Variants in MPP7 observed in about 807,000 individuals in gnomAD.
MPP7 encodes MAGUK p55 scaffold protein 7.
A neutral mutation model predicts 76.5 loss-of-function variants in MPP7; 60 were observed. That is an observed-to-expected ratio of 0.78 (90% CI 0.64 to 0.97). The LOEUF (loss-of-function observed/expected upper bound fraction) is 0.97. MPP7 is among the 50% of genes least tolerant of loss of function. The pLI is 0.00. For synonymous variants in MPP7, 237 were observed against 244.5 expected (o/e 0.97, Z 0.29); for missense variants, 641 against 694.0 (o/e 0.92, Z 0.86).
At chr10:28,298,472 T>G (rs897914164) in intron 1 of MPP7, among the ~76,000 whole-genome samples, 6 of 152,184 alleles carry the variant, frequency 3.9e-5, no homozygotes, top group South Asian at 2.1e-4. Context: ...TTCTGAGCAG[T>G]GGGTCTCGAC....
chr10:28,081,017 T>C (rs1353306021), intron 12 of MPP7, among the ~76,000 whole-genome samples: 1 of 152,230 alleles, frequency 6.6e-6, no homozygotes, highest in East Asian at 1.9e-4. Context: ...ATAGTGACAG[T>C]CTTATAATAA....
intron 11 of MPP7, among the ~76,000 whole-genome samples, chr10:28,115,836 G>T (rs1190216590): frequency 6.6e-6 from 1 of 152,094 alleles, no homozygotes; most frequent in Non-Finnish European, 1.5e-5. Flanking sequence ...CTTTTTACCT[G>T]CATAATAATA....
At chr10:28,262,432 T>A (rs533946424) in intron 1 of MPP7, among the ~76,000 whole-genome samples, 1 of 151,314 alleles carries the variant, frequency 6.6e-6, no homozygotes, top group Non-Finnish European at 1.5e-5. Context: ...TAATTTATAA[T>A]GAAACTAACA....
intron 2 of MPP7, among the ~76,000 whole-genome samples, chr10:28,225,098 T>C (rs1838645992): frequency 6.6e-6 from 1 of 152,168 alleles, no homozygotes; most frequent in South Asian, 2.1e-4. Flanking sequence ...CTACATACAG[T>C]GCTGGGACAA....
chr10:28,092,110 G>T (rs1853334996), intron 11 of MPP7, among the ~76,000 whole-genome samples: 1 of 152,182 alleles, frequency 6.6e-6, no homozygotes, highest in Non-Finnish European at 1.5e-5. Context: ...ACTAACAATG[G>T]TTTTATGTGA....
At chr10:28,149,025 A>C (rs947025363) in intron 4 of MPP7, among the ~76,000 whole-genome samples, 2 of 152,234 alleles carry the variant, frequency 1.3e-5, no homozygotes, top group Non-Finnish European at 2.9e-5. Context: ...ATCTTTGTAG[A>C]TAAAAACAAA....
chr10:28,295,742 A>ACCTGCC (rs1841023054), intron 1 of MPP7, among the ~76,000 whole-genome samples: 1 of 152,260 alleles, frequency 6.6e-6, no homozygotes, highest in Non-Finnish European at 1.5e-5. Context: ...GTCCCTGCAC[A>ACCTGCC]CACCTGCCGT....
At chr10:28,167,359 C>T (rs1282918240) in intron 3 of MPP7, among the ~76,000 whole-genome samples, 1 of 151,956 alleles carries the variant, frequency 6.6e-6, no homozygotes, top group Non-Finnish European at 1.5e-5. Flanking sequence ...CTCAAAAGAA[C>T]TCTGCTACTG....
intron 2 of MPP7, among the ~76,000 whole-genome samples, chr10:28,310,457 T>A (rs1841283696): frequency 6.6e-6 from 1 of 152,180 alleles, no homozygotes; most frequent in Non-Finnish European, 1.5e-5. Flanking sequence ...TCACACGAAC[T>A]CGTTGCCACC....
At chr10:28,285,424 A>T (rs1454116152) in intron 1 of MPP7, among the ~76,000 whole-genome samples, 2 of 152,130 alleles carry the variant, frequency 1.3e-5, no homozygotes, top group Non-Finnish European at 2.9e-5. Context: ...GCCTAAGATG[A>T]TCCGTCCACC....
At chr10:28,070,576 C>T (rs773294225) in intron 12 of MPP7, among the ~76,000 whole-genome samples, 2 of 152,138 alleles carry the variant, frequency 1.3e-5, no homozygotes, top group African/African-American at 2.4e-5. Context: ...AATTCAGTTA[C>T]GCATTTTACA....
At chr10:28,323,376 C>T (rs534616964) in intron 2 of MPP7, among the ~76,000 whole-genome samples, 15 of 151,908 alleles carry the variant, frequency 9.9e-5, no homozygotes, top group African/African-American at 3.6e-4. Context: ...TCAATTGAGC[C>T]TAGGAGTTGG....
intron 3 of MPP7, among the ~76,000 whole-genome samples, chr10:28,153,865 C>T (rs976427915): frequency 2.0e-5 from 3 of 152,020 alleles, no homozygotes; most frequent in Non-Finnish European, 2.9e-5. Flanking sequence ...ATTATGAGTA[C>T]AAAAAAGTAC....
At chr10:28,190,078 T>C in intron 3 of MPP7, among the ~76,000 whole-genome samples, 1 of 152,024 alleles carries the variant, frequency 6.6e-6, no homozygotes. Context: ...TTATCAGAGA[T>C]AAAGGTATTA....
chr10:28,295,658 G>A (rs1841020720), intron 1 of MPP7, among the ~76,000 whole-genome samples: 1 of 152,178 alleles, frequency 6.6e-6, no homozygotes, highest in Non-Finnish European at 1.5e-5. Context: ...TATCAGGAGT[G>A]AAGCTAAGGA....
intron 1 of MPP7, among the ~76,000 whole-genome samples, chr10:28,270,535 G>GT (rs1480263000): frequency 3.1e-5 from 4 of 128,362 alleles, no homozygotes; most frequent in Non-Finnish European, 6.6e-5. Context: ...AAAAAAAAGG[G>GT]GGGGGGGGAG....
chr10:28,156,188 T>C (rs1057082184), intron 3 of MPP7, among the ~76,000 whole-genome samples: 1 of 152,248 alleles, frequency 6.6e-6, no homozygotes, highest in Non-Finnish European at 1.5e-5. Flanking sequence ...TTTAACTTTC[T>C]ATGCCTTAGT....
chr10:28,322,408 C>T (rs1834376275), intron 2 of MPP7, among the ~76,000 whole-genome samples: 1 of 152,110 alleles, frequency 6.6e-6, no homozygotes, highest in Non-Finnish European at 1.5e-5. Context: ...AAAATAAAAG[C>T]TCATGACTCT....
At chr10:28,298,982 G>T (rs573660338) in intron 1 of MPP7, among the ~76,000 whole-genome samples, 1 of 152,128 alleles carries the variant, frequency 6.6e-6, no homozygotes, top group Non-Finnish European at 1.5e-5. Context: ...TTGAAGAGAG[G>T]GTTTTGCTCT....
Sources: gnomAD v4.1 joint callset for allele counts (sites outside exome capture counted in the v4.1 genomes callset) on GRCh38, gnomAD v4.1.1 for gene constraint, MANE v1.5 for transcripts, NCBI Gene and HGNC (gene_info 2026-07-23, HGNC 2026-07-21) for gene names.